Variants in SNTG1 observed in about 807,000 individuals in gnomAD.
SNTG1 encodes the protein gamma-1-syntrophin.
A neutral mutation model predicts 74.7 loss-of-function variants in SNTG1; 39 were observed. The observed-to-expected ratio is 0.52, with a 90% CI of 0.40 to 0.68. SNTG1 has a LOEUF of 0.68. Ranked by LOEUF, SNTG1 falls within the 30% of genes least tolerant of loss-of-function variation. The pLI is 0.00. For synonymous variants in SNTG1, 254 were observed against 217.1 expected (o/e 1.17, Z -1.49); for missense variants, 685 against 609.5 (o/e 1.12, Z -1.30).
intron 13 of SNTG1, among the ~76,000 whole-genome samples, chr8:50,652,623 C>A (rs560053804): frequency 6.6e-6 from 1 of 152,016 alleles, no homozygotes; most frequent in East Asian, 1.9e-4. Context: ...ATGGTGAAAA[C>A]CCGCCTCTAG....
intron 2 of SNTG1, among the ~76,000 whole-genome samples, chr8:50,181,410 C>T (rs760123744): frequency 7.2e-5 from 11 of 152,166 alleles, no homozygotes; most frequent in Admixed American, 1.3e-4. Context: ...TTTCCAAAAA[C>T]TTATTCTCCA....
chr8:50,177,128 C>G (rs1287559370), intron 2 of SNTG1, among the ~76,000 whole-genome samples: 2 of 152,206 alleles, frequency 1.3e-5, no homozygotes, highest in African/African-American at 4.8e-5. Flanking sequence ...GCAAAAAAGT[C>G]TCAAAAATTA....
chr8:50,473,074 A>G (rs1172721129), intron 8 of SNTG1, among the ~76,000 whole-genome samples: 1 of 152,100 alleles, frequency 6.6e-6, no homozygotes, highest in African/African-American at 2.4e-5. Context: ...TGTGTCCCCA[A>G]CCTAATCTCA....
intron 4 of SNTG1, among the ~76,000 whole-genome samples, chr8:50,424,285 G>A (rs911173913): frequency 6.6e-6 from 1 of 152,094 alleles, no homozygotes; most frequent in Non-Finnish European, 1.5e-5. Context: ...GTAAATGGAA[G>A]ATTCTTTTCA....
intron 1 of SNTG1, among the ~76,000 whole-genome samples, chr8:50,099,045 T>A (rs1053298058): frequency 5.3e-5 from 8 of 152,110 alleles, no homozygotes; most frequent in Non-Finnish European, 8.8e-5. Context: ...TATACTGAAA[T>A]TTAAAACTAT....
intron 2 of SNTG1, among the ~76,000 whole-genome samples, chr8:50,259,508 A>AAAAG (rs555536386): frequency 0.017 from 270 of 15,692 alleles, 4 homozygotes; most frequent in Non-Finnish European, 0.023. Flanking sequence ...CAAAAAAAAA[A>AAAAG]AAAGAAAGAA....
At chr8:50,681,477 A>G (rs2095330655) in intron 15 of SNTG1, among the ~76,000 whole-genome samples, 1 of 152,198 alleles carries the variant, frequency 6.6e-6, no homozygotes, top group Admixed American at 6.5e-5. Context: ...GCATAATTTT[A>G]TATAGTTTAA....
chr8:49,966,870 T>C (rs1158178746), intron 1 of SNTG1, among the ~76,000 whole-genome samples: 1 of 152,238 alleles, frequency 6.6e-6, no homozygotes, highest in African/African-American at 2.4e-5. Flanking sequence ...ATATCTAGCA[T>C]ATATTAAATA....
chr8:50,408,537 C>CT (rs2131381876), intron 4 of SNTG1, among the ~76,000 whole-genome samples: 1 of 152,248 alleles, frequency 6.6e-6, no homozygotes, highest in Non-Finnish European at 1.5e-5. Context: ...TTCTCTGTAT[C>CT]TGCACCAAGG....
intron 1 of SNTG1, among the ~76,000 whole-genome samples, chr8:50,138,252 G>A (rs1007196243): frequency 6.6e-6 from 1 of 151,804 alleles, no homozygotes; most frequent in Admixed American, 6.6e-5. Context: ...CACTGAAAAT[G>A]TCTGTTCAGA....
intron 1 of SNTG1, among the ~76,000 whole-genome samples, chr8:50,034,641 T>G (rs1315972416): frequency 6.6e-6 from 1 of 152,126 alleles, no homozygotes; most frequent in Admixed American, 6.5e-5. Flanking sequence ...TATTTTGGCT[T>G]CCCTGGGCCA....
chr8:50,209,889 GAGA>G (rs59283624), intron 2 of SNTG1, among the ~76,000 whole-genome samples: 3,341 of 152,300 alleles, frequency 0.022, 134 homozygotes, highest in African/African-American at 0.071. Flanking sequence ...GTTGAGTTGA[GAGA>G]AGAAGACTTT....
chr8:50,652,530 C>T lies in SNTG1; in HGVS notation c.850-4379C>T, dbSNP rs77933104. On this transcript the variant is annotated intron_variant, in intron 13 of 18. Transcript: ENST00000642720. ...GTATGTTATCAGGCCGGTGCAGTGGCTCAAACCTGTAATCTTACCACTTTG... is the reference window on the plus strand; with the variant it reads ...GTATGTTATCAGGCCGGTGCAGTGGTTCAAACCTGTAATCTTACCACTTTG... 4.6e-5 allele frequency among the ~76,000 whole-genome samples: 7 copies of T among 152,034 alleles called. No individual in the cohort carries two copies. In the East Asian group the frequency reaches 1.3e-3, roughly 29 times the overall value.
At chr8:50,311,960 C>G (rs1010192647) in intron 2 of SNTG1, among the ~76,000 whole-genome samples, 2 of 151,896 alleles carry the variant, frequency 1.3e-5, no homozygotes, top group Admixed American at 1.3e-4. Context: ...CTTAATTATC[C>G]CCATTAATGG....
intron 1 of SNTG1, among the ~76,000 whole-genome samples, chr8:50,162,087 A>C (rs2082435293): frequency 6.6e-6 from 1 of 152,160 alleles, no homozygotes. Context: ...AGCGTCAGGG[A>C]AGGTGGAGAG....
At chr8:50,154,075 T>C (rs950493388) in intron 1 of SNTG1, among the ~76,000 whole-genome samples, 1 of 152,126 alleles carries the variant, frequency 6.6e-6, no homozygotes, top group Non-Finnish European at 1.5e-5. Context: ...CAGGCTGCTT[T>C]ATTTACCTAC....
intron 8 of SNTG1, among the ~76,000 whole-genome samples, chr8:50,488,717 CA>C (rs1324917298): frequency 1.1e-4 from 16 of 151,948 alleles, no homozygotes; most frequent in African/African-American, 3.9e-4. Flanking sequence ...TCCAAGAGCC[CA>C]GCATGACACT....
intron 11 of SNTG1, among the ~76,000 whole-genome samples, chr8:50,538,903 G>C (rs1416762627): frequency 6.6e-6 from 1 of 152,058 alleles, no homozygotes; most frequent in African/African-American, 2.4e-5. Context: ...ATTGGGAAAA[G>C]TTTATTGATC....
At chr8:50,542,043 T>A (rs142977173) in intron 11 of SNTG1, among the ~76,000 whole-genome samples, 1 of 149,608 alleles carries the variant, frequency 6.7e-6, no homozygotes, top group South Asian at 2.1e-4. Context: ...TGCATATGTA[T>A]ATATACATAT....
Sources: gnomAD v4.1 joint callset for allele counts (sites outside exome capture counted in the v4.1 genomes callset) on GRCh38, gnomAD v4.1.1 for gene constraint, MANE v1.5 for transcripts, NCBI Gene and HGNC (gene_info 2026-07-23, HGNC 2026-07-21) for gene names.